VPS54: variants seen among roughly 807,000 people sequenced by gnomAD.
VPS54 encodes the protein vacuolar protein sorting-associated protein 54.
Under a neutral mutation model 121.5 loss-of-function variants are expected in VPS54, and 45 were observed. The ratio of observed to expected loss-of-function variants is 0.37; its 90% CI spans 0.29 to 0.47. The LOEUF (loss-of-function observed/expected upper bound fraction) is 0.47. Among genes scored for constraint, VPS54 ranks in the 20% least tolerant of loss-of-function variants. The probability of loss-of-function intolerance (pLI) is 0.99; values close to 1 mark genes in which losing one functional copy is unlikely to be tolerated. For synonymous variants in VPS54, 371 were observed against 385.8 expected, an observed-to-expected ratio of 0.96 and a Z score of 0.45; for missense variants, 1,090 against 1,131.4, an observed-to-expected ratio of 0.96 and a Z score of 0.52.
chr2:63,934,041 G>C (rs981804403), intron 11 of VPS54, 28 bp from the exon 12 acceptor site: 1 of 1,578,762 alleles, frequency 6.3e-7, no homozygotes, highest in Admixed American at 1.8e-5. Flanking sequence ...ACACTTTTAA[G>C]GGACGTAAAA....
At position 63,983,972 on chromosome 2, in the gene VPS54, CTGG is replaced by C; in HGVS notation, c.25_27del (p.Pro9del). 1.2e-6 allele frequency: 2 copies of C among 1,613,164 alleles called. No individual in the cohort carries two copies. Among genetic ancestry groups the C allele is most frequent in the Non-Finnish European group, 1.7e-6 (2 of 1,179,498 alleles). The stretch of plus-strand genomic sequence containing the variant: ...ACATCACTGCTGCTTCCTTGAGGCA[CTGG>C]TGAAGAACTGTGGCTTGAAGCCATT... On this transcript the variant is annotated inframe_deletion, in exon 2 of 23. Coordinates refer to ENST00000272322, the MANE Select transcript of VPS54 (RefSeq NM_016516.3).
chr2:63,933,686 C>A lies in VPS54; in HGVS notation c.1726G>T (p.Gly576Cys). Residue 576 changes from glycine to cysteine, a missense_variant, in exon 12 of 23, where the codon GGT becomes TGT. Gly to Cys is a radical substitution (Grantham distance 159). This residue lies in a region of VPS54 where 801 missense variants were observed against 757.0 expected (regional missense o/e 1.06). Coordinates refer to ENST00000272322, the MANE Select transcript of VPS54 (RefSeq NM_016516.3). The part of the protein sequence containing the change: ...EHTSSSAIPG[G>C]VDIMVSEDMK... ...CACTATACTCACATAATATCCACAC[C>A]TCCTGGAATAGCAGATGATGATGTG... 1 of 1,612,164 alleles carries A rather than the reference C, an allele frequency of 6.2e-7. No individual in the cohort carries two copies. Among genetic ancestry groups the A allele is most frequent in the African/African-American group, 1.3e-5 (1 of 75,004 alleles).
At chr2:63,922,187 A>C (rs997277996) in intron 12 of VPS54, among the ~76,000 whole-genome samples, 1 of 152,114 alleles carries the variant, frequency 6.6e-6, no homozygotes, top group East Asian at 1.9e-4. Context: ...GCTTTTTTTC[A>C]ATTTTGAGGG....
intron 12 of VPS54, among the ~76,000 whole-genome samples, chr2:63,924,722 G>C (rs935591013): frequency 6.6e-6 from 1 of 152,114 alleles, no homozygotes; most frequent in Non-Finnish European, 1.5e-5. Context: ...TAATGGTACT[G>C]GTGTAAAGAC....
chr2:63,921,939 T>G (rs2104453914), intron 12 of VPS54, among the ~76,000 whole-genome samples: 1 of 152,358 alleles, frequency 6.6e-6, no homozygotes. Context: ...CAGGGGACAG[T>G]TGTGCATAGG....
At chr2:63,975,046 ATTTT>A in intron 3 of VPS54, 1 of 1,497,926 alleles carries the variant, frequency 6.7e-7, no homozygotes, top group Non-Finnish European at 9.0e-7. Flanking sequence ...GTTTTTGTAG[ATTTT>A]TTTTTTCTTT....
chr2:63,946,450 T>C (rs1471991524), intron 9 of VPS54, among the ~76,000 whole-genome samples: 1 of 152,138 alleles, frequency 6.6e-6, no homozygotes, highest in African/African-American at 2.4e-5. Flanking sequence ...CATTACTATA[T>C]ATTGCCAACA....
chr2:63,897,362 AC>A, intron 22 of VPS54, 133 bp downstream of exon 22: 1 of 615,388 alleles, frequency 1.6e-6, no homozygotes, highest in Non-Finnish European at 2.7e-6. Flanking sequence ...GAAAAAAAAA[AC>A]ACAAAAGCTT....
chr2:63,920,535 T>G lies in VPS54; in HGVS notation c.1962A>C (p.Gly654=), dbSNP rs1208539879. The G allele has an allele frequency of 1.9e-6, 3 of 1,591,292 alleles. No homozygotes were observed. Among genetic ancestry groups the G allele is most frequent in the East Asian group, 4.7e-5 (2 of 42,684 alleles). Residue 654 remains glycine, a synonymous_variant, in exon 14 of 23, where the codon GGA becomes GGC. Coordinates refer to ENST00000272322, the MANE Select transcript of VPS54 (RefSeq NM_016516.3). ...CTCCAAGTAATGACGTGCTTTTTCT[T>G]CCACAGATCTGTTCGGTGTCTAAAA... The part of the protein sequence containing the change: ...TFILDTEQIC[G]RKSTSLLGAL...
chr2:63,905,049 C>T (rs1442903738), intron 20 of VPS54, among the ~76,000 whole-genome samples: 1 of 151,898 alleles, frequency 6.6e-6, no homozygotes, highest in African/African-American at 2.4e-5. Flanking sequence ...ACAGCAAAAG[C>T]AGTACATAAA....
Position 64,019,378 on chromosome 2 carries a change from G to A in VPS54, c.-461C>T, listed in dbSNP as rs1250481016. On this transcript the variant is annotated 5_prime_UTR_variant, in exon 1 of 23. Coordinates refer to ENST00000272322, the MANE Select transcript of VPS54 (RefSeq NM_016516.3). ...CCGGCCCAGCCGGCTCGGCCCGGTC[G>A]GGTGCGGGGAGACAGCGCCGGAGGC... 5.3e-5 allele frequency among the ~76,000 whole-genome samples: 8 copies of A among 151,050 alleles called. No individual in the cohort carries two copies. The highest frequency in any genetic ancestry group is 1.0e-4 in the Non-Finnish European group (7 of 67,728).
chr2:63,969,985 G>A (rs951422727), intron 4 of VPS54, among the ~76,000 whole-genome samples: 7 of 151,548 alleles, frequency 4.6e-5, no homozygotes, highest in Non-Finnish European at 1.0e-4. Flanking sequence ...ATCTTCAAAT[G>A]AACCTACTTT....
chr2:64,018,604 G>A (rs1159452787), intron 1 of VPS54, among the ~76,000 whole-genome samples: 1 of 152,062 alleles, frequency 6.6e-6, no homozygotes, highest in African/African-American at 2.4e-5. Context: ...AGGAAAGTTT[G>A]GGGGCAGCGT....
chr2:64,005,260 C>T (rs976864788), intron 1 of VPS54, among the ~76,000 whole-genome samples: 14 of 150,806 alleles, frequency 9.3e-5, no homozygotes, highest in African/African-American at 3.2e-4. Context: ...CCCGCCACCG[C>T]GCCCGGCTAA....
At chr2:63,945,786 A>G (rs998193038) in intron 9 of VPS54, among the ~76,000 whole-genome samples, 1 of 152,198 alleles carries the variant, frequency 6.6e-6, no homozygotes, top group Non-Finnish European at 1.5e-5. Context: ...TAAAATCCCA[A>G]AAGAAATTAG....
chr2:63,987,453 A>C (rs548632834), intron 1 of VPS54, among the ~76,000 whole-genome samples: 5 of 149,496 alleles, frequency 3.3e-5, no homozygotes, highest in African/African-American at 1.2e-4. Flanking sequence ...TTGAAATCAC[A>C]TCATGCGGTT....
At chr2:63,966,017 C>T in intron 5 of VPS54, 51 bp from the exon 6 acceptor site, 1 of 1,554,234 alleles carries the variant, frequency 6.4e-7, no homozygotes, top group Non-Finnish European at 8.7e-7. Context: ...TCTTTATACC[C>T]ATTATCTCTT....
At chr2:63,926,486 A>G (rs1320569677) in intron 12 of VPS54, among the ~76,000 whole-genome samples, 1 of 152,170 alleles carries the variant, frequency 6.6e-6, no homozygotes, top group Non-Finnish European at 1.5e-5. Flanking sequence ...CCATAAGTTG[A>G]TTTACATAAA....
chr2:63,924,764 G>A (rs1400558970), intron 12 of VPS54, among the ~76,000 whole-genome samples: 1 of 152,178 alleles, frequency 6.6e-6, no homozygotes, highest in Admixed American at 6.5e-5. Context: ...TCCAGAAACA[G>A]ATACGCCTAT....
Sources: gnomAD v4.1 joint callset for allele counts (sites outside exome capture counted in the v4.1 genomes callset) on GRCh38, gnomAD v4.1.1 for gene constraint, gnomAD v4.1.1 regional missense constraint, MANE v1.5 for transcripts, NCBI Gene and HGNC (gene_info 2026-07-23, HGNC 2026-07-21) for gene names.